Variants in CYB5A observed in about 807,000 individuals in gnomAD.
CYB5A encodes the protein cytochrome b5.
Under a neutral mutation model 16.2 loss-of-function variants are expected in CYB5A, and 10 were observed. The ratio of observed to expected loss-of-function variants is 0.62; its 90% confidence interval spans 0.38 to 1.04. CYB5A has a LOEUF of 1.04. Ranked by LOEUF, CYB5A falls within the 50% of genes least tolerant of loss-of-function variation. CYB5A has a pLI of 0.01. For synonymous variants in CYB5A, 62 were observed against 57.0 expected (o/e 1.09, Z -0.40); for missense variants, 161 against 165.9 (o/e 0.97, Z 0.16).
intron 1 of CYB5A, among the ~76,000 whole-genome samples, chr18:74,287,114 C>A (rs55716257): frequency 0.025 from 3,787 of 152,252 alleles, 69 homozygotes; most frequent in Non-Finnish European, 0.041. Context: ...CCAACACTAC[C>A]AACAATAACT....
intron 3 of CYB5A, chr18:74,260,629 G>A (rs1000111714): frequency 4.9e-5 from 23 of 465,592 alleles, no homozygotes; most frequent in South Asian, 2.3e-4. Context: ...TCAGAAGCAC[G>A]TGCTACCATA....
intron 4 of CYB5A, 42 bp from the exon 5 acceptor site, chr18:74,253,707 C>CA: frequency 2.2e-6 from 3 of 1,335,310 alleles, no homozygotes; most frequent in Non-Finnish European, 3.2e-6. Flanking sequence ...ATGATGTGCA[C>CA]TGTGGTGGAC....
intron 1 of CYB5A, among the ~76,000 whole-genome samples, chr18:74,271,730 TACATTA>T (rs773070165): frequency 3.2e-4 from 49 of 152,218 alleles, no homozygotes; most frequent in Non-Finnish European, 5.4e-4. Flanking sequence ...AACTACACAA[TACATTA>T]ACATTAACTG....
intron 1 of CYB5A, among the ~76,000 whole-genome samples, chr18:74,283,999 G>A (rs1983219434): frequency 6.6e-6 from 1 of 152,152 alleles, no homozygotes; most frequent in Non-Finnish European, 1.5e-5. Flanking sequence ...TTGGGAGGCC[G>A]AGGCGAGTGG....
chr18:74,260,746 C>A (rs1173472980), intron 3 of CYB5A, 169 bp downstream of exon 3: 1 of 690,156 alleles, frequency 1.4e-6, no homozygotes, highest in Non-Finnish European at 2.6e-6. Flanking sequence ...ATCATACTGA[C>A]AGGTTTCCGT....
At chr18:74,254,215 A>C (rs1981877309) in intron 4 of CYB5A, among the ~76,000 whole-genome samples, 1 of 152,018 alleles carries the variant, frequency 6.6e-6, no homozygotes, top group Non-Finnish European at 1.5e-5. Context: ...CCAAAAAATG[A>C]ATGCCCCACC....
At chr18:74,280,957 A>T (rs1448093026) in intron 1 of CYB5A, among the ~76,000 whole-genome samples, 1 of 152,162 alleles carries the variant, frequency 6.6e-6, no homozygotes, top group Admixed American at 6.5e-5. Flanking sequence ...CTGACTTTAA[A>T]ATGTCACTCT....
chr18:74,257,188 G>A (rs1010755420), intron 3 of CYB5A: 4 of 335,156 alleles, frequency 1.2e-5, no homozygotes, highest in Non-Finnish European at 1.7e-5. Context: ...AATGAGGGCA[G>A]GCATTTCACC....
rs1437168138 is a variant in CYB5A, at chr18:74,251,300, G to C, written c.*2284C>G. On this transcript the variant is annotated 3_prime_UTR_variant, in exon 5 of 5. Transcript: ENST00000340533. ...GCACAGCTTGGTTTTATGCATTTTA[G>C]GGAGACATGAGACATTGATCAATAT... 1 of 152,560 alleles carries C rather than the reference G, an allele frequency of 6.6e-6. No homozygotes were observed. The highest frequency in any genetic ancestry group is 1.5e-5 in the Non-Finnish European group (1 of 68,148). The allele number at this position is 152,560 out of a possible 1,614,324, so 9.5% of individuals were successfully genotyped here.
At chr18:74,256,632 G>A (rs1003379118) in intron 3 of CYB5A, 3 of 585,838 alleles carry the variant, frequency 5.1e-6, no homozygotes, top group African/African-American at 3.7e-5. Context: ...AAGCATTAGG[G>A]CCTCAAACAG....
In CYB5A at chr18:74,251,739, G is replaced by A. The variant is rs371255598; in HGVS notation, c.*1845C>T. On this transcript the variant is annotated 3_prime_UTR_variant, in exon 5 of 5. Coordinates refer to ENST00000340533, the MANE Select transcript of CYB5A (RefSeq NM_148923.4). ...CACAAACTGTAAATGTTAAAATTAGGAAGTAAACTCTCCTTTACTCCACAT... is the reference window on the plus strand; with the variant it reads ...CACAAACTGTAAATGTTAAAATTAGAAAGTAAACTCTCCTTTACTCCACAT... The A allele has an allele frequency of 6.6e-6, 1 of 152,144 alleles. No individual in the cohort carries two copies. Among genetic ancestry groups the A allele is most frequent in the Non-Finnish European group, 1.5e-5 (1 of 68,022 alleles). The allele number at this position is 152,144 out of a possible 1,614,324, so 9.4% of individuals were successfully genotyped here.
At chr18:74,261,315 C>T (rs1205807135) in intron 2 of CYB5A, 1 of 301,728 alleles carries the variant, frequency 3.3e-6, no homozygotes, top group Non-Finnish European at 6.5e-6. Flanking sequence ...GCATGTATCT[C>T]TTACGTGTAT....
chr18:74,261,073 A>G (rs1982181107), intron 2 of CYB5A, 129 bp from the exon 3 acceptor site: 2 of 747,222 alleles, frequency 2.7e-6, no homozygotes, highest in Non-Finnish European at 4.7e-6. Flanking sequence ...ACATTTAGCT[A>G]TTAAACACAA....
rs370149747 is a variant in CYB5A, at chr18:74,263,411, C to T, written c.196G>A (p.Val66Ile). The T allele has an allele frequency of 2.5e-6, 4 of 1,614,130 alleles. No homozygotes were observed. In the South Asian group the frequency reaches 3.3e-5, roughly 13 times the overall value. Residue 66 changes from valine (V) to isoleucine (I), a missense_variant, in exon 2 of 5, where the codon GTC (valine) becomes ATC (isoleucine). By Grantham distance (29) the Val-to-Ile change is conservative (BLOSUM62 3). Transcript: ENST00000340533. ...GGDATENFED[V>I]GHSTDAREMS... ...TCCCTGGCATCTGTAGAGTGCCCGACATCCTCAAAGTTCTCAGTAGCGTCA... is the reference window on the plus strand; with the variant it reads ...TCCCTGGCATCTGTAGAGTGCCCGATATCCTCAAAGTTCTCAGTAGCGTCA...
rs1428657084 is a variant in CYB5A, at chr18:74,251,935, G to A, written c.*1649C>T. 6.6e-6 allele frequency: 1 copy of A among 152,164 alleles called. No homozygotes were observed. The highest frequency in any genetic ancestry group is 2.4e-5 in the African/African-American group (1 of 41,418). 9.4% of individuals were successfully genotyped at this position (152,164 alleles called of 1,614,324 possible). On this transcript the variant is annotated 3_prime_UTR_variant, in exon 5 of 5. Transcript: ENST00000340533. ...AACCCTTTAATGTCATCTAAGGTAC[G>A]ACTGACCCACTTCGATTCACTTCAT...
In CYB5A at chr18:74,264,369, C is replaced by T. The variant is rs145089082; in HGVS notation, c.130-892G>A. Reference sequence around the variant, plus strand: ...TTTTTCCATCAGGCTCTCAAAATTGCTCTTATTCTCTACCCAATCTATTTT... The same window carrying T: ...TTTTTCCATCAGGCTCTCAAAATTGTTCTTATTCTCTACCCAATCTATTTT... On this transcript the variant is annotated intron_variant, in intron 1 of 4. Transcript: ENST00000340533. Among the ~76,000 whole-genome samples the T allele has an allele frequency of 6.7e-3, 1,013 of 152,264 alleles. 15 individuals are homozygous for T. Among genetic ancestry groups the T allele is most frequent in the African/African-American group, 0.023 (962 of 41,544 alleles).
chr18:74,261,723 T>C (rs1222548994), intron 2 of CYB5A: 1 of 152,582 alleles, frequency 6.6e-6, no homozygotes, highest in Non-Finnish European at 1.5e-5. Context: ...TCGAGCCTTC[T>C]ACAAAGAACC....
intron 1 of CYB5A, among the ~76,000 whole-genome samples, chr18:74,281,763 G>GTGTGTGTGTGTGTGTGTGTGTT (rs960400983): frequency 1.3e-5 from 2 of 150,640 alleles, no homozygotes; most frequent in African/African-American, 4.9e-5. Flanking sequence ...GTGTGTGTGT[G>GTGTGTGTGTGTGTGTGTGTGTT]TGTGTATGTG....
intron 3 of CYB5A, chr18:74,257,048 T>A: frequency 1.7e-6 from 1 of 582,008 alleles, no homozygotes; most frequent in Non-Finnish European, 3.0e-6. Context: ...AAAATATTAG[T>A]TAGCTATTAG....
Sources: gnomAD v4.1 joint callset for allele counts (sites outside exome capture counted in the v4.1 genomes callset) on GRCh38, gnomAD v4.1.1 for gene constraint, MANE v1.5 for transcripts, NCBI Gene and HGNC (gene_info 2026-07-23, HGNC 2026-07-21) for gene names.